LPP: variants seen among roughly 807,000 people sequenced by gnomAD.
The protein encoded by LPP is lipoma-preferred partner.
Under a neutral mutation model 60.4 loss-of-function variants are expected in LPP, and 38 were observed. The observed-to-expected ratio is 0.63, with a 90% CI of 0.49 to 0.83. The LOEUF (loss-of-function observed/expected upper bound fraction) is 0.83, where lower values mean the gene tolerates loss of function less well. LPP is among the 40% of genes least tolerant of loss of function. The pLI, the probability that LPP is intolerant of heterozygous loss-of-function variation, is 0.00. For missense variants in LPP, 902 were observed against 783.6 expected, an observed-to-expected ratio of 1.15 and a Z score of -1.80; for synonymous variants, 328 against 290.8, an observed-to-expected ratio of 1.13 and a Z score of -1.30.
intron 5 of LPP, among the ~76,000 whole-genome samples, chr3:188,497,492 A>T (rs534854680): frequency 6.6e-6 from 1 of 152,286 alleles, no homozygotes; most frequent in African/African-American, 2.4e-5. Flanking sequence ...TAACTTTTAA[A>T]TTGTGTATTT....
intron 6 of LPP, among the ~76,000 whole-genome samples, chr3:188,559,949 A>G (rs1436165151): frequency 2.0e-5 from 3 of 151,952 alleles, no homozygotes; most frequent in Non-Finnish European, 2.9e-5. Flanking sequence ...GTGGGCTGGC[A>G]CTTGGAATGT....
intron 4 of LPP, among the ~76,000 whole-genome samples, chr3:188,463,118 C>A (rs1799542078): frequency 6.6e-6 from 1 of 152,088 alleles, no homozygotes; most frequent in Non-Finnish European, 1.5e-5. Context: ...ACAACAACAA[C>A]AAAAATAATC....
At position 188,317,761 on chromosome 3, in the gene LPP, C is replaced by T. The variant is rs542696038; in HGVS notation, c.-66-23902C>T. Among the ~76,000 whole-genome samples, 7 of 144,026 alleles carry T rather than the reference C, an allele frequency of 4.9e-5. No individual in the cohort carries two copies. In the South Asian group the frequency reaches 1.2e-3, roughly 24 times the overall value. 94.5% of individuals were successfully genotyped at this position (144,026 alleles called of 152,430 possible). On this transcript the variant is annotated intron_variant, in intron 2 of 11. Transcript: ENST00000617246. ...ATGCCTGAAATGCTGTATTAACCTG[C>T]TCTACCTTGAACTGCTGTCTTGAAT...
chr3:188,611,864 A>G (rs901228989), intron 7 of LPP, among the ~76,000 whole-genome samples: 4 of 152,200 alleles, frequency 2.6e-5, no homozygotes, highest in Non-Finnish European at 5.9e-5. Flanking sequence ...TGTAGGAAAA[A>G]GAATCAGCCC....
chr3:188,504,803 A>G (rs1446172386), intron 5 of LPP, among the ~76,000 whole-genome samples: 1 of 152,176 alleles, frequency 6.6e-6, no homozygotes, highest in Admixed American at 6.5e-5. Flanking sequence ...AAGAAAAAAA[A>G]AAAAAGGACT....
chr3:188,520,666 G>A (rs1344455756), intron 5 of LPP, among the ~76,000 whole-genome samples: 3 of 152,128 alleles, frequency 2.0e-5, no homozygotes, highest in South Asian at 2.1e-4. Flanking sequence ...GCCAACATGC[G>A]AGCTTTTCTC....
At chr3:188,638,831 G>A (rs9713627) in intron 7 of LPP, among the ~76,000 whole-genome samples, 54,595 of 148,072 alleles carry the variant, frequency 0.37, 10,815 homozygotes, top group East Asian at 0.78. Flanking sequence ...CCTCTTCAAG[G>A]AGAACTACAA....
chr3:188,774,218 T>C (rs1736998141), intron 9 of LPP, among the ~76,000 whole-genome samples: 1 of 152,192 alleles, frequency 6.6e-6, no homozygotes, highest in Admixed American at 6.5e-5. Context: ...GTTACAGCTC[T>C]CTGGTCTGCC....
rs1379070471 is a variant in LPP at position 188,886,088 on chromosome 3, G to A, written c.*11609G>A. 2 of 151,680 alleles carry A rather than the reference G, an allele frequency of 1.3e-5. No homozygotes were observed. The highest frequency in any genetic ancestry group is 1.3e-4 in the Admixed American group (2 of 15,206). The allele number at this position is 151,680 out of a possible 1,614,324, so 9.4% of individuals were successfully genotyped here. On this transcript the variant is annotated 3_prime_UTR_variant, in exon 12 of 12. Transcript: ENST00000617246. ...ACACCACATGTTCTCACTCACAGGT[G>A]GGAATTGAACAATGAGAACACATGG...
chr3:188,803,298 G>T (rs982371770), intron 9 of LPP, among the ~76,000 whole-genome samples: 2 of 151,980 alleles, frequency 1.3e-5, no homozygotes, highest in African/African-American at 4.8e-5. Flanking sequence ...ACCTGCCTTG[G>T]CTAGGATTAC....
chr3:188,177,639 C>A (rs344956), intron 1 of LPP, among the ~76,000 whole-genome samples: 80,808 of 151,934 alleles, frequency 0.53, 22,235 homozygotes, highest in East Asian at 0.88. Context: ...CAGCCCTCTC[C>A]TCTGTAAAAT....
At chr3:188,585,401 T>C (rs1263503985) in intron 6 of LPP, among the ~76,000 whole-genome samples, 1 of 152,218 alleles carries the variant, frequency 6.6e-6, no homozygotes, top group Non-Finnish European at 1.5e-5. Context: ...CTCCTTATTT[T>C]GAAGGCTGAC....
At chr3:188,519,152 T>A (rs1818202266) in intron 5 of LPP, among the ~76,000 whole-genome samples, 2 of 152,168 alleles carry the variant, frequency 1.3e-5, no homozygotes, top group South Asian at 4.1e-4. Flanking sequence ...ATTTTTAATT[T>A]AAAAATCATG....
chr3:188,350,109 G>A (rs1417994112), intron 3 of LPP, among the ~76,000 whole-genome samples: 1 of 152,186 alleles, frequency 6.6e-6, no homozygotes, highest in Admixed American at 6.5e-5. Flanking sequence ...TTGGCTGAGT[G>A]TCCACGAACT....
chr3:188,857,393 T>G (rs1490910650), intron 9 of LPP, among the ~76,000 whole-genome samples: 1 of 152,220 alleles, frequency 6.6e-6, no homozygotes, highest in Non-Finnish European at 1.5e-5. Context: ...CTTTGTACTT[T>G]AGAAAACACA....
chr3:188,552,614 AC>A (rs1173818361), intron 6 of LPP, among the ~76,000 whole-genome samples: 1 of 152,120 alleles, frequency 6.6e-6, no homozygotes, highest in Admixed American at 6.6e-5. Context: ...CATAGTCATT[AC>A]CTTTCCCAGC....
At chr3:188,585,128 G>A (rs995748608) in intron 6 of LPP, among the ~76,000 whole-genome samples, 33 of 152,150 alleles carry the variant, frequency 2.2e-4, no homozygotes, top group African/African-American at 6.0e-4. Flanking sequence ...TCAATCACAC[G>A]GCATAATCTA....
At chr3:188,769,743 A>C (rs1422605460) in intron 9 of LPP, among the ~76,000 whole-genome samples, 1 of 152,182 alleles carries the variant, frequency 6.6e-6, no homozygotes, top group Non-Finnish European at 1.5e-5. Flanking sequence ...TGGGACCGAC[A>C]TGAAGGGTTT....
chr3:188,525,715 C>A (rs532915407), intron 6 of LPP, among the ~76,000 whole-genome samples: 5 of 152,240 alleles, frequency 3.3e-5, no homozygotes, highest in African/African-American at 1.2e-4. Context: ...ATGAATGAGA[C>A]CACTTTATTT....
Sources: allele counts gnomAD v4.1 joint callset (sites outside exome capture counted in the v4.1 genomes callset), GRCh38; gene constraint gnomAD v4.1.1; transcripts MANE v1.5; gene names NCBI Gene and HGNC (gene_info 2026-07-23, HGNC 2026-07-21).